The following ARHGAP32 variants were observed in gnomAD, a reference collection of about 807,000 sequenced individuals.
ARHGAP32 encodes the protein Rho GTPase activating protein 32.
A neutral mutation model predicts 186.5 loss-of-function variants in ARHGAP32; 51 were observed. That is an observed-to-expected ratio of 0.27 (90% CI 0.22 to 0.35). ARHGAP32 has a LOEUF of 0.35. ARHGAP32 is among the 10% of genes least tolerant of loss of function. The probability of loss-of-function intolerance (pLI) is 1.00; values close to 1 mark genes in which losing one functional copy is unlikely to be tolerated. For synonymous variants in ARHGAP32, 950 were observed against 964.3 expected (o/e 0.99, Z 0.27); for missense variants, 2,186 against 2,623.5 (o/e 0.83, Z 3.64).
chr11:129,005,860 C>T (rs1937740051), intron 11 of ARHGAP32, among the ~76,000 whole-genome samples: 1 of 152,120 alleles, frequency 6.6e-6, no homozygotes, highest in African/African-American at 2.4e-5. Flanking sequence ...TCTGTCTCCT[C>T]TTTAAGGCCA....
chr11:129,268,037 C>T (rs1246522325), intron 1 of ARHGAP32, among the ~76,000 whole-genome samples: 1 of 152,154 alleles, frequency 6.6e-6, no homozygotes, highest in Non-Finnish European at 1.5e-5. Context: ...GCCCCAACTT[C>T]AATGCTGAGG....
intron 1 of ARHGAP32, among the ~76,000 whole-genome samples, chr11:129,201,674 A>G (rs1011762058): frequency 6.6e-6 from 1 of 152,178 alleles, no homozygotes; most frequent in Non-Finnish European, 1.5e-5. Context: ...TAGTGGTTAC[A>G]TGAAAACAAA....
At chr11:129,210,401 G>A (rs907257406) in intron 1 of ARHGAP32, among the ~76,000 whole-genome samples, 10 of 152,170 alleles carry the variant, frequency 6.6e-5, no homozygotes, top group African/African-American at 2.4e-4. Context: ...CTAGTGATGT[G>A]ATAAAATAAA....
rs1939103290 is a variant in ARHGAP32, at chr11:129,031,271, A to G, written c.1045+9657T>C. Reference sequence around the variant, plus strand: ...GTAAATAAACACAAATCAATAAATAACAGTTGACATTCACTAAGTATCCAG... The same window carrying G: ...GTAAATAAACACAAATCAATAAATAGCAGTTGACATTCACTAAGTATCCAG... On this transcript the variant is annotated intron_variant, in intron 11 of 22. Coordinates refer to ENST00000682385, the MANE Select transcript of ARHGAP32 (RefSeq NM_001378024.1). Among the ~76,000 whole-genome samples, 3 of 152,188 alleles carry G rather than the reference A, an allele frequency of 2.0e-5. No homozygotes were observed. The South Asian group carries it at 6.2e-4, about 32-fold the overall frequency.
At chr11:129,210,899 C>T (rs998771949) in intron 1 of ARHGAP32, among the ~76,000 whole-genome samples, 2 of 152,214 alleles carry the variant, frequency 1.3e-5, no homozygotes, top group African/African-American at 2.4e-5. Context: ...ACGAAGTTCA[C>T]TGACACAAGC....
intron 1 of ARHGAP32, among the ~76,000 whole-genome samples, chr11:129,224,768 C>CAAAAAAAAAAAAAAAAAA (rs57944399): frequency 9.6e-6 from 1 of 104,300 alleles, no homozygotes; most frequent in Non-Finnish European, 1.8e-5. Flanking sequence ...TTGGCTAGAG[C>CAAAAAAAAAAAAAAAAAA]AAAAAAAAAA....
At position 129,103,494 on chromosome 11, in the gene ARHGAP32, T is replaced by C. The variant is rs566036163; in HGVS notation, c.445-9787A>G. On this transcript the variant is annotated intron_variant, in intron 5 of 22. Transcript: ENST00000682385. ...GAATGAAGCAGAATATCTCAGGAGA[T>C]ACCAGATGAGAACTTTCCAAAATAT... Among the ~76,000 whole-genome samples the C allele has an allele frequency of 1.4e-4, 21 of 152,184 alleles. No individual in the cohort carries two copies. In the South Asian group the frequency reaches 3.9e-3, roughly 29 times the overall value.
intron 2 of ARHGAP32, among the ~76,000 whole-genome samples, chr11:129,137,185 A>T (rs974039053): frequency 2.0e-5 from 3 of 151,894 alleles, no homozygotes; most frequent in African/African-American, 7.2e-5. Flanking sequence ...CTTCTAACTA[A>T]AAGACTGTAA....
chr11:129,226,815 A>G (rs1256972010), intron 1 of ARHGAP32, among the ~76,000 whole-genome samples: 1 of 152,128 alleles, frequency 6.6e-6, no homozygotes, highest in Non-Finnish European at 1.5e-5. Context: ...TCTCAGATAA[A>G]CAGAGACTAA....
chr11:129,170,045 C>T (rs1943725540), intron 1 of ARHGAP32, among the ~76,000 whole-genome samples: 1 of 151,878 alleles, frequency 6.6e-6, no homozygotes, highest in African/African-American at 2.4e-5. Flanking sequence ...AAATCAAACC[C>T]AGTAATATAC....
chr11:129,049,780 T>G (rs1363705326), intron 10 of ARHGAP32, among the ~76,000 whole-genome samples: 1 of 152,236 alleles, frequency 6.6e-6, no homozygotes, highest in African/African-American at 2.4e-5. Context: ...AATCTGCTGT[T>G]GACAGATATT....
At chr11:129,058,698 G>C (rs996996298) in intron 10 of ARHGAP32, among the ~76,000 whole-genome samples, 1 of 152,180 alleles carries the variant, frequency 6.6e-6, no homozygotes. Context: ...TTCTTGCACT[G>C]AGGTTCTGCG....
intron 1 of ARHGAP32, among the ~76,000 whole-genome samples, chr11:129,254,252 A>G (rs1565481924): frequency 6.6e-6 from 1 of 152,040 alleles, no homozygotes; most frequent in Non-Finnish European, 1.5e-5. Flanking sequence ...AAGGTTCCCC[A>G]AAGTTAGTAT....
intron 10 of ARHGAP32, among the ~76,000 whole-genome samples, chr11:129,043,408 C>T (rs1212187782): frequency 3.0e-4 from 34 of 113,212 alleles, no homozygotes; most frequent in Admixed American, 8.0e-4. Flanking sequence ...TTTTGCGCAA[C>T]GGAGGTTCGT....
At chr11:129,047,941 G>A (rs1939882399) in intron 10 of ARHGAP32, among the ~76,000 whole-genome samples, 2 of 152,156 alleles carry the variant, frequency 1.3e-5, no homozygotes. Flanking sequence ...AGAAACAACA[G>A]TTGCTACACA....
In ARHGAP32 at chr11:128,981,909, C is replaced by G. The variant is rs1290752688; in HGVS notation, c.1554G>C (p.Leu518Phe). Reference protein sequence around the residue: ...YRTLEFLMRHLSLLADYCSIT... With the variant: ...YRTLEFLMRHFSLLADYCSIT... ...TGGAACAATAGTCAGCTAGAAGAGACAAGTGTCTCATCAGGAACTCCAGTG... is the reference window on the plus strand; with the variant it reads ...TGGAACAATAGTCAGCTAGAAGAGAGAAGTGTCTCATCAGGAACTCCAGTG... Residue 518 changes from leucine to phenylalanine, a missense_variant, in exon 16 of 23, where the codon TTG becomes TTC. Coordinates refer to ENST00000682385, the MANE Select transcript of ARHGAP32 (RefSeq NM_001378024.1). 1 of 1,611,052 alleles carries G rather than the reference C, an allele frequency of 6.2e-7. No homozygotes were observed. The highest frequency in any genetic ancestry group is 1.3e-5 in the African/African-American group (1 of 74,746).
chr11:129,112,304 C>T lies in ARHGAP32; in HGVS notation c.444+11142G>A, dbSNP rs373583136. Among the ~76,000 whole-genome samples the T allele has an allele frequency of 2.0e-5, 3 of 151,698 alleles. No homozygotes were observed. The East Asian group carries it at 5.8e-4, about 29-fold the overall frequency. On this transcript the variant is annotated intron_variant, in intron 5 of 22. Transcript: ENST00000682385. ...AGGTTCCTTTATAAGTGACTAGATG[C>T]TTTTCTCTGCCTGTTTTCAGAATTC...
At chr11:129,169,645 A>T (rs927001105) in intron 1 of ARHGAP32, among the ~76,000 whole-genome samples, 15 of 151,386 alleles carry the variant, frequency 9.9e-5, no homozygotes, top group Admixed American at 2.0e-4. Flanking sequence ...AAAAAAAAAA[A>T]AAAAAAAAAA....
intron 11 of ARHGAP32, among the ~76,000 whole-genome samples, chr11:129,017,668 T>C (rs1470118393): frequency 6.6e-6 from 1 of 152,162 alleles, no homozygotes; most frequent in Non-Finnish European, 1.5e-5. Context: ...ATCATCTGGA[T>C]TTATAAATCT....
Sources: allele counts gnomAD v4.1 joint callset (sites outside exome capture counted in the v4.1 genomes callset), GRCh38; gene constraint gnomAD v4.1.1; transcripts MANE v1.5; gene names NCBI Gene and HGNC (gene_info 2026-07-23, HGNC 2026-07-21).